MYO9A: variants seen among roughly 807,000 people sequenced by gnomAD.
MYO9A encodes the protein myosin IXA.
A neutral mutation model predicts 293.3 loss-of-function variants in MYO9A; 103 were observed. The observed-to-expected ratio is 0.35, with a 90% CI of 0.30 to 0.41. The LOEUF is 0.41. MYO9A is among the 10% of genes least tolerant of loss of function. The pLI, the probability that MYO9A is intolerant of heterozygous loss-of-function variation, is 1.00. For synonymous variants in MYO9A, 1,001 were observed against 1,035.7 expected, an observed-to-expected ratio of 0.97 and a Z score of 0.64; for missense variants, 2,685 against 3,033.0, an observed-to-expected ratio of 0.89 and a Z score of 2.69.
chr15:71,911,588 C>T (rs72746327), intron 19 of MYO9A, among the ~76,000 whole-genome samples: 1,863 of 152,256 alleles, frequency 0.012, 22 homozygotes, highest in Middle Eastern at 0.041. Context: ...CTACAACAAG[C>T]AACAGCATGT....
chr15:71,961,668 G>A (rs1334529039), intron 13 of MYO9A, among the ~76,000 whole-genome samples: 1 of 152,156 alleles, frequency 6.6e-6, no homozygotes, highest in Non-Finnish European at 1.5e-5. Flanking sequence ...ATAACCAAAT[G>A]GATGTGTGAG....
At chr15:71,986,124 GA>G (rs944850557) in intron 11 of MYO9A, among the ~76,000 whole-genome samples, 3 of 151,884 alleles carry the variant, frequency 2.0e-5, no homozygotes, top group African/African-American at 7.3e-5. Context: ...AATATTTAGA[GA>G]AAAAAATGCA....
chr15:72,096,339 G>GAAC (rs543435014), intron 1 of MYO9A, among the ~76,000 whole-genome samples: 1 of 151,922 alleles, frequency 6.6e-6, no homozygotes, highest in Non-Finnish European at 1.5e-5. Context: ...CTGTCTCAGG[G>GAAC]AACAACAACA....
chr15:72,004,241 T>C (rs972628049), intron 8 of MYO9A, among the ~76,000 whole-genome samples: 6 of 152,210 alleles, frequency 3.9e-5, no homozygotes, highest in Non-Finnish European at 7.3e-5. Context: ...ATTTACCTAA[T>C]TAAAAATCTG....
rs1195237765 is a variant in MYO9A, at chr15:71,824,112, T to C, written c.*2468A>G. ...CCCACACTGCTCTCCACTCTTATCA[T>C]TTTGTGGCTCTCTCCTCCTCACCCA... On this transcript the variant is annotated 3_prime_UTR_variant, in exon 42 of 42. Transcript: ENST00000356056. 6.6e-6 allele frequency: 1 copy of C among 152,194 alleles called. No homozygotes were observed. Among genetic ancestry groups the C allele is most frequent in the Non-Finnish European group, 1.5e-5 (1 of 68,040 alleles). 9.4% of individuals were successfully genotyped at this position (152,194 alleles called of 1,614,324 possible).
At chr15:72,117,566 C>CGCGGGGCGTCTCCGCTGGG (rs2081041164) in intron 1 of MYO9A, 114 bp downstream of exon 1, 1 of 375,222 alleles carries the variant, frequency 2.7e-6, no homozygotes, top group Non-Finnish European at 4.7e-6. Context: ...CAGACCCGCT[C>CGCGGGGCGTCTCCGCTGGG]GCGGGGCGTC....
intron 15 of MYO9A, among the ~76,000 whole-genome samples, chr15:71,941,929 T>C (rs1267921258): frequency 6.6e-6 from 1 of 152,222 alleles, no homozygotes; most frequent in East Asian, 1.9e-4. Context: ...ACTCCACTCA[T>C]AAGTATTTAC....
At chr15:72,004,667 T>C (rs963327637) in intron 8 of MYO9A, among the ~76,000 whole-genome samples, 4 of 152,218 alleles carry the variant, frequency 2.6e-5, no homozygotes, top group Non-Finnish European at 4.4e-5. Flanking sequence ...GTAATGATGA[T>C]AGTTCTAATA....
intron 6 of MYO9A, among the ~76,000 whole-genome samples, chr15:72,016,120 T>C (rs2077330898): frequency 6.6e-6 from 1 of 152,168 alleles, no homozygotes; most frequent in Admixed American, 6.5e-5. Context: ...AGACATTTAA[T>C]AGATTATTAC....
chr15:71,826,692 G>C lies in MYO9A; in HGVS notation c.7535C>G (p.Thr2512Ser). 6.2e-7 allele frequency: 1 copy of C among 1,614,114 alleles called. No individual in the cohort carries two copies. ...GACTGTCCCCTCTGGGGTCTCTTTG[G>C]TTTTCTGAGGTGAGTTTTTCACATT... The part of the protein sequence containing the change: ...LKNVKNSPQK[T>S]KETPEGTVMS... Residue 2512 changes from threonine to serine, a missense_variant, in exon 42 of 42, where the codon ACC (threonine) becomes AGC (serine). Thr to Ser is a moderately conservative substitution (Grantham distance 58). Around this residue, in one of 10 missense-constraint regions of MYO9A, gnomAD observed 350 missense variants for 328.9 expected, o/e 1.06. Coordinates refer to ENST00000356056, the MANE Select transcript of MYO9A (RefSeq NM_006901.4).
intron 1 of MYO9A, among the ~76,000 whole-genome samples, chr15:72,076,088 G>C (rs1338588255): frequency 6.6e-6 from 1 of 152,096 alleles, no homozygotes; most frequent in Non-Finnish European, 1.5e-5. Flanking sequence ...CAGATCACTT[G>C]AGGTCAGGAG....
At chr15:71,893,096 C>A in intron 26 of MYO9A, 1 of 1,290,086 alleles carries the variant, frequency 7.8e-7, no homozygotes, top group Non-Finnish European at 1.0e-6. Context: ...TCCCCCTCCC[C>A]ATCGGCAAAA....
intron 11 of MYO9A, among the ~76,000 whole-genome samples, chr15:71,981,643 C>G (rs886944385): frequency 2.3e-5 from 2 of 85,540 alleles, no homozygotes; most frequent in Non-Finnish European, 5.2e-5. Flanking sequence ...TCTGTCTTGT[C>G]TCTCTCTCTC....
intron 18 of MYO9A, among the ~76,000 whole-genome samples, chr15:71,932,529 T>A (rs1270424581): frequency 2.0e-5 from 3 of 150,768 alleles, no homozygotes; most frequent in Non-Finnish European, 4.4e-5. Context: ...TATCCCAGGG[T>A]TCTGCTGTTT....
At chr15:72,008,003 TC>T in intron 7 of MYO9A, 51 bp from the exon 8 acceptor site, 1 of 1,553,478 alleles carries the variant, frequency 6.4e-7, no homozygotes, top group South Asian at 1.2e-5. Flanking sequence ...TTCCCAAAGC[TC>T]ATTTCATTCT....
chr15:72,100,858 CG>C, intron 1 of MYO9A, among the ~76,000 whole-genome samples: 1 of 145,556 alleles, frequency 6.9e-6, no homozygotes, highest in Non-Finnish European at 1.5e-5. Context: ...CCGCCCCGTC[CG>C]GGAGGGAGGT....
Position 71,822,741 on chromosome 15 carries a change from T to A in MYO9A, c.*3839A>T, listed in dbSNP as rs2054323856. 6.6e-6 allele frequency: 1 copy of A among 152,194 alleles called. No homozygotes were observed. The highest frequency in any genetic ancestry group is 2.1e-4 in the South Asian group (1 of 4,826). The allele number at this position is 152,194 out of a possible 1,614,324, so 9.4% of individuals were successfully genotyped here. ...CTTTTATATGACCTCAGAGGGCTGATAAATAGGCATTAAGAATGGATGACT... is the reference window on the plus strand; with the variant it reads ...CTTTTATATGACCTCAGAGGGCTGAAAAATAGGCATTAAGAATGGATGACT... On this transcript the variant is annotated 3_prime_UTR_variant, in exon 42 of 42. Coordinates refer to ENST00000356056, the MANE Select transcript of MYO9A (RefSeq NM_006901.4).
intron 1 of MYO9A, among the ~76,000 whole-genome samples, chr15:72,093,421 T>C (rs560211383): frequency 6.6e-6 from 1 of 152,004 alleles, no homozygotes; most frequent in Non-Finnish European, 1.5e-5. Flanking sequence ...CTATCGTCCC[T>C]GCTACTCAAG....
intron 1 of MYO9A, among the ~76,000 whole-genome samples, chr15:72,089,154 A>G (rs2079829326): frequency 6.6e-6 from 1 of 152,088 alleles, no homozygotes; most frequent in Non-Finnish European, 1.5e-5. Flanking sequence ...GTAGAAAAAT[A>G]ATGGTTTTTG....
Sources: gnomAD v4.1 joint callset for allele counts (sites outside exome capture counted in the v4.1 genomes callset) on GRCh38, gnomAD v4.1.1 for gene constraint, gnomAD v4.1.1 regional missense constraint, MANE v1.5 for transcripts, NCBI Gene and HGNC (gene_info 2026-07-23, HGNC 2026-07-21) for gene names.